Variants in NCALD observed in about 807,000 individuals in gnomAD.
NCALD encodes the protein neurocalcin delta.
NCALD carries 10 observed loss-of-function variants against 18.6 expected under a neutral mutation model. The observed-to-expected ratio is 0.54, with a 90% CI of 0.33 to 0.91. The LOEUF is 0.91. Ranked by LOEUF, NCALD falls within the 40% of genes least tolerant of loss-of-function variation. NCALD has a pLI of 0.03. For missense variants in NCALD, 184 were observed against 247.6 expected, an observed-to-expected ratio of 0.74 and a Z score of 1.72; for synonymous variants, 88 against 87.4, an observed-to-expected ratio of 1.01 and a Z score of -0.04.
intron 2 of NCALD, among the ~76,000 whole-genome samples, chr8:101,700,385 T>C (rs1815204357): frequency 6.6e-6 from 1 of 152,192 alleles, no homozygotes; most frequent in South Asian, 2.1e-4. Flanking sequence ...CACAATCTTC[T>C]AGCACAGGAC....
At chr8:101,730,479 C>CAAAAAAAAAAAAAAAA (rs869241027) in intron 1 of NCALD, among the ~76,000 whole-genome samples, 1 of 43,672 alleles carries the variant, frequency 2.3e-5, no homozygotes, top group Non-Finnish European at 4.4e-5. Context: ...GACTCCATCT[C>CAAAAAAAAAAAAAAAA]AAAAAAAAAA....
chr8:101,764,013 CA>C (rs1396266561), intron 1 of NCALD, among the ~76,000 whole-genome samples: 4 of 15,138 alleles, frequency 2.6e-4, no homozygotes, highest in African/African-American at 4.2e-4. Context: ...CACACACACA[CA>C]CCCCCTATTG....
chr8:101,858,597 TC>T (rs1435195217), intron 4 of NCALD, among the ~76,000 whole-genome samples: 2 of 152,002 alleles, frequency 1.3e-5, no homozygotes, highest in East Asian at 3.9e-4. Flanking sequence ...GATTCACAGT[TC>T]CCATCCTGTA....
At chr8:101,804,387 T>C (rs1425961837) in intron 4 of NCALD, among the ~76,000 whole-genome samples, 1 of 137,088 alleles carries the variant, frequency 7.3e-6, no homozygotes, top group Non-Finnish European at 1.5e-5. Flanking sequence ...TGTTACTATA[T>C]ATAGAAATAT....
At chr8:101,923,758 T>C (rs141770848) in intron 2 of NCALD, among the ~76,000 whole-genome samples, 82 of 152,334 alleles carry the variant, frequency 5.4e-4, no homozygotes, top group Non-Finnish European at 1.0e-3. Flanking sequence ...TTATATTTAG[T>C]GCTGGGGTTC....
At chr8:102,002,691 T>C (rs1235849331) in intron 2 of NCALD, among the ~76,000 whole-genome samples, 4 of 152,114 alleles carry the variant, frequency 2.6e-5, no homozygotes, top group African/African-American at 9.7e-5. Context: ...CAGACCACAG[T>C]GCAATCAAAC....
At chr8:101,953,085 A>G (rs1819494061) in intron 2 of NCALD, among the ~76,000 whole-genome samples, 1 of 152,036 alleles carries the variant, frequency 6.6e-6, no homozygotes, top group Non-Finnish European at 1.5e-5. Context: ...CGCTGGCCCA[A>G]GACTCCAGTC....
At chr8:101,889,241 G>A (rs924197116) in intron 3 of NCALD, among the ~76,000 whole-genome samples, 2 of 152,226 alleles carry the variant, frequency 1.3e-5, no homozygotes, top group African/African-American at 2.4e-5. Flanking sequence ...GCTGAAAGAA[G>A]GAGTCACTGC....
intron 1 of NCALD, among the ~76,000 whole-genome samples, chr8:101,777,762 T>C (rs16868423): frequency 0.13 from 20,257 of 152,002 alleles, 2,922 homozygotes; most frequent in African/African-American, 0.34. Context: ...AACTAAGTGG[T>C]GGAAAATGTG....
intron 1 of NCALD, among the ~76,000 whole-genome samples, chr8:102,091,493 A>G (rs765073616): frequency 1.3e-5 from 2 of 152,200 alleles, no homozygotes; most frequent in Non-Finnish European, 2.9e-5. Context: ...AATCTGAATC[A>G]ATATTCTAAT....
At chr8:101,877,714 G>C (rs1025029399) in intron 4 of NCALD, among the ~76,000 whole-genome samples, 1 of 152,054 alleles carries the variant, frequency 6.6e-6, no homozygotes, top group Non-Finnish European at 1.5e-5. Context: ...AAGTGACTTT[G>C]GGCAAATGAA....
chr8:102,017,583 T>C (rs1822130543), intron 2 of NCALD, among the ~76,000 whole-genome samples: 1 of 152,134 alleles, frequency 6.6e-6, no homozygotes, highest in East Asian at 1.9e-4. Flanking sequence ...CAGTCCCAGC[T>C]ACTCGGGAGG....
At chr8:101,791,751 G>GGGAA (rs1812454466), upstream of NCALD, among the ~76,000 whole-genome samples, 1 of 152,088 alleles carries the variant, frequency 6.6e-6, no homozygotes, top group African/African-American at 2.4e-5. Flanking sequence ...GTGCTTTGGG[G>GGGAA]CCATACGGGT....
chr8:101,735,991 G>A (rs991279207), intron 1 of NCALD, among the ~76,000 whole-genome samples: 3 of 152,026 alleles, frequency 2.0e-5, no homozygotes, highest in Admixed American at 6.5e-5. Context: ...GACATCACCC[G>A]TTCCTCTTCC....
At chr8:101,715,812 G>C (rs1586285496) in intron 2 of NCALD, among the ~76,000 whole-genome samples, 1 of 152,270 alleles carries the variant, frequency 6.6e-6, no homozygotes, top group South Asian at 2.1e-4. Context: ...AAAAAGTCAG[G>C]AAACAACAGA....
At chr8:102,084,919 G>A (rs182245627) in intron 1 of NCALD, among the ~76,000 whole-genome samples, 1 of 152,286 alleles carries the variant, frequency 6.6e-6, no homozygotes, top group Non-Finnish European at 1.5e-5. Context: ...TGGGTTGGTG[G>A]GGTGGGAAGA....
At chr8:101,993,868 A>G (rs930379536) in intron 2 of NCALD, among the ~76,000 whole-genome samples, 1 of 152,226 alleles carries the variant, frequency 6.6e-6, no homozygotes, top group Non-Finnish European at 1.5e-5. Flanking sequence ...CAGTTTCTTC[A>G]TCTATACAAC....
chr8:101,856,713 C>A (rs147139949), intron 4 of NCALD, among the ~76,000 whole-genome samples: 109 of 152,218 alleles, frequency 7.2e-4, no homozygotes, highest in African/African-American at 2.5e-3. Flanking sequence ...CCCTGGAAAC[C>A]AGGCTCATCC....
At chr8:102,025,598 C>T (rs961994860) in intron 1 of NCALD, among the ~76,000 whole-genome samples, 4 of 152,326 alleles carry the variant, frequency 2.6e-5, no homozygotes, top group South Asian at 2.1e-4. Context: ...GCCTCCCTTG[C>T]AACTCAGCTG....
Sources: allele counts gnomAD v4.1 joint callset (sites outside exome capture counted in the v4.1 genomes callset), GRCh38; gene constraint gnomAD v4.1.1; transcripts MANE v1.5; gene names NCBI Gene and HGNC (gene_info 2026-07-23, HGNC 2026-07-21).